Variants in CPSF2 observed in about 807,000 individuals in gnomAD.
The protein encoded by CPSF2 is cleavage and polyadenylation specificity factor subunit 2.
In CPSF2, 51 loss-of-function variants were observed where a neutral mutation model predicts 84.2. The ratio of observed to expected loss-of-function variants is 0.61; its 90% CI spans 0.48 to 0.77. The LOEUF (loss-of-function observed/expected upper bound fraction) is 0.77, where lower values mean the gene tolerates loss of function less well. Among genes scored for constraint, CPSF2 ranks in the 30% least tolerant of loss-of-function variants. The probability of loss-of-function intolerance (pLI) is 0.00; values close to 1 mark genes in which losing one functional copy is unlikely to be tolerated. For missense variants in CPSF2, 641 were observed against 929.4 expected (o/e 0.69, Z 4.03); for synonymous variants, 286 against 311.9 (o/e 0.92, Z 0.87).
In CPSF2 at chr14:92,154,334, CTTTTGTCTT is replaced by C; in HGVS notation, c.1141-21_1141-13del. On this transcript the variant is annotated splice_polypyrimidine_tract_variant and intron_variant, in intron 9 of 15. Coordinates refer to ENST00000298875, the MANE Select transcript of CPSF2 (RefSeq NM_017437.3). ...CCTAATATTAACATATTAACATTTC[CTTTTGTCTT>C]TTATTTTTTTTTAGTTGAGGAAACG... 1 of 1,551,828 alleles carries C rather than the reference CTTTTGTCTT, an allele frequency of 6.4e-7. No homozygotes were observed. The highest frequency in any genetic ancestry group is 8.8e-7 in the Non-Finnish European group (1 of 1,139,730).
intron 12 of CPSF2, among the ~76,000 whole-genome samples, 181 bp downstream of exon 12, chr14:92,156,812 T>C (rs1413526211): frequency 1.3e-5 from 2 of 152,240 alleles, no homozygotes; most frequent in Non-Finnish European, 2.9e-5. Flanking sequence ...TTTCTCTTCA[T>C]TAATGGTATT....
chr14:92,121,984 C>T lies in CPSF2; in HGVS notation c.-238C>T. 1 of 735,274 alleles carries T rather than the reference C, an allele frequency of 1.4e-6. No homozygotes were observed. The highest frequency in any genetic ancestry group is 2.2e-6 in the Non-Finnish European group (1 of 449,062). The allele number at this position is 735,274 out of a possible 1,614,324, so 45.5% of individuals were successfully genotyped here. On this transcript the variant is annotated 5_prime_UTR_variant, in exon 1 of 16. Coordinates refer to ENST00000298875, the MANE Select transcript of CPSF2 (RefSeq NM_017437.3). Reference sequence around the variant, plus strand: ...CGTCTCCGCCGCTAGTCTCCAGCTCCAAAATGGCGGCTGCCACTGTGGGGC... The same window carrying T: ...CGTCTCCGCCGCTAGTCTCCAGCTCTAAAATGGCGGCTGCCACTGTGGGGC...
At chr14:92,138,481 G>A (rs2069029821) in intron 7 of CPSF2, 134 bp downstream of exon 7, 1 of 454,470 alleles carries the variant, frequency 2.2e-6, no homozygotes, top group Non-Finnish European at 3.9e-6. Flanking sequence ...CCAGGCTGGA[G>A]TGAAGTGGCG....
intron 6 of CPSF2, among the ~76,000 whole-genome samples, chr14:92,137,397 T>G (rs2069014525): frequency 2.0e-5 from 3 of 152,072 alleles, no homozygotes; most frequent in Non-Finnish European, 4.4e-5. Flanking sequence ...TTAGTAGAGA[T>G]GAGGTTTTGC....
rs34118244 is a variant in CPSF2 at position 92,148,771 on chromosome 14, C to CAA, written c.1140+5492_1140+5493dup. ...TGGGCGATATAGCAAGGCCTCTTCT[C>CAA]AAAAAAAAAAAAAAAAGAAAGAAAT... On this transcript the variant is annotated intron_variant, in intron 9 of 15. Coordinates refer to ENST00000298875, the MANE Select transcript of CPSF2 (RefSeq NM_017437.3). Among the ~76,000 whole-genome samples, 270 of 74,854 alleles carry CAA rather than the reference C, an allele frequency of 3.6e-3. 2 individuals are homozygous for CAA. The highest frequency in any genetic ancestry group is 0.016 in the East Asian group (46 of 2,930). 49.1% of individuals were successfully genotyped at this position (74,854 alleles called of 152,430 possible). A position where few individuals can be genotyped will look rare whatever the true frequency, so the allele number is the denominator to read the frequency against.
At chr14:92,153,543 GT>G (rs1473359232) in intron 9 of CPSF2, among the ~76,000 whole-genome samples, 1 of 151,966 alleles carries the variant, frequency 6.6e-6, no homozygotes, top group Non-Finnish European at 1.5e-5. Context: ...ATGCTTATCT[GT>G]ATTTTCTTTT....
At chr14:92,136,370 C>A (rs1050338779) in intron 6 of CPSF2, among the ~76,000 whole-genome samples, 1 of 152,120 alleles carries the variant, frequency 6.6e-6, no homozygotes, top group African/African-American at 2.4e-5. Flanking sequence ...ACTCAGTATA[C>A]CACTGGAGGC....
intron 11 of CPSF2, 49 bp downstream of exon 11, chr14:92,155,372 C>G: frequency 7.1e-7 from 1 of 1,406,848 alleles, no homozygotes; most frequent in South Asian, 1.2e-5. Flanking sequence ...GAGGTATTAA[C>G]TGTGTTATCA....
rs566790994 is a variant in CPSF2, at chr14:92,169,119, G to A, written c.*7375G>A. On this transcript the variant is annotated 3_prime_UTR_variant, in exon 16 of 16. Coordinates refer to ENST00000298875, the MANE Select transcript of CPSF2 (RefSeq NM_017437.3). ...AACAAAAAGAAGCACATACTGTACAGTCAAAACTATCAGACGTAACTCTGT... is the reference window on the plus strand; with the variant it reads ...AACAAAAAGAAGCACATACTGTACAATCAAAACTATCAGACGTAACTCTGT... 4.4e-4 allele frequency: 67 copies of A among 152,276 alleles called. No homozygotes were observed. Among genetic ancestry groups the A allele is most frequent in the African/African-American group, 1.6e-3 (65 of 41,564 alleles). 9.4% of individuals were successfully genotyped at this position (152,276 alleles called of 1,614,324 possible).
intron 3 of CPSF2, among the ~76,000 whole-genome samples, chr14:92,133,304 A>C (rs1488001567): frequency 1.3e-5 from 2 of 151,696 alleles, no homozygotes; most frequent in African/African-American, 2.4e-5. Context: ...CTGTAATCCC[A>C]GCTACTCGGG....
At chr14:92,136,413 C>T (rs1020479994) in intron 6 of CPSF2, among the ~76,000 whole-genome samples, 25 of 152,122 alleles carry the variant, frequency 1.6e-4, no homozygotes, top group Admixed American at 3.3e-4. Flanking sequence ...TTCGCATAAA[C>T]GCAGAAAATT....
At chr14:92,153,576 A>C (rs2069248697) in intron 9 of CPSF2, among the ~76,000 whole-genome samples, 1 of 152,054 alleles carries the variant, frequency 6.6e-6, no homozygotes, top group South Asian at 2.1e-4. Context: ...ATTTTTAACC[A>C]GTTTGATTGT....
chr14:92,135,545 T>C (rs757655378), intron 6 of CPSF2, 49 bp downstream of exon 6: 1 of 1,518,942 alleles, frequency 6.6e-7, no homozygotes, highest in East Asian at 2.3e-5. Context: ...GGTATTATTT[T>C]ATTCTTTGGA....
At chr14:92,158,658 G>A (rs1021178904) in intron 13 of CPSF2, among the ~76,000 whole-genome samples, 1 of 152,134 alleles carries the variant, frequency 6.6e-6, no homozygotes, top group African/African-American at 2.4e-5. Flanking sequence ...GCTTCGTGAG[G>A]GTCAGAGGGA....
chr14:92,135,221 C>G lies in CPSF2; in HGVS notation c.416-146C>G, dbSNP rs769643808. ...GTAGGTGGGGGACAGGAGAGTGAAG[C>G]CTGCTTTCACTATATGCATTTTTAC... On this transcript the variant is annotated intron_variant, in intron 5 of 15. Transcript: ENST00000298875. 5 of 607,398 alleles carry G rather than the reference C, an allele frequency of 8.2e-6. No individual in the cohort carries two copies. The East Asian group carries it at 1.6e-4, about 20-fold the overall frequency. The allele number at this position is 607,398 out of a possible 1,614,324, so 37.6% of individuals were successfully genotyped here.
intron 9 of CPSF2, among the ~76,000 whole-genome samples, chr14:92,153,561 T>G (rs905134587): frequency 2.0e-5 from 3 of 152,172 alleles, no homozygotes; most frequent in African/African-American, 7.2e-5. Flanking sequence ...TTTTCCTGAT[T>G]GGTGATTTTT....
rs754311358 is a variant in CPSF2, at chr14:92,157,831, A to C, written c.1768A>C (p.Met590Leu). 6.2e-7 allele frequency: 1 copy of C among 1,614,222 alleles called. No homozygotes were observed. The highest frequency in any genetic ancestry group is 8.5e-7 in the Non-Finnish European group (1 of 1,180,020). ...AFGGKDIKVYMPKLHETVDAT... is the reference protein window; with the variant it reads ...AFGGKDIKVYLPKLHETVDAT... ...TGGTGGGAAAGATATTAAAGTGTAC[A>C]TGCCAAAGCTACATGAAACAGTTGA... The change falls in exon 13 of 16, where the codon ATG becomes CTG. Residue 590 changes from methionine to leucine, a missense_variant. By Grantham distance (15) the Met-to-Leu change is conservative. Around this residue, in one of 2 missense-constraint regions of CPSF2, gnomAD observed 430 missense variants for 553.6 expected, o/e 0.78. Transcript: ENST00000298875. The surrounding 1 kb of genome is among the most constrained non-coding windows in gnomAD (Gnocchi z 4.0).
At chr14:92,139,359 G>A (rs895527346) in intron 7 of CPSF2, among the ~76,000 whole-genome samples, 15 of 151,626 alleles carry the variant, frequency 9.9e-5, no homozygotes, top group Non-Finnish European at 1.5e-4. Context: ...GGAGCTTGCA[G>A]TGAGCTGAGA....
In CPSF2 at chr14:92,135,386, T is replaced by C. The variant is rs1382450881; in HGVS notation, c.435T>C (p.Ser145=). ...ACATAGGTAAAGGACATGGCCTGTC[T>C]ATCACACCTCTGCCAGCTGGTCATA... is the stretch of plus-strand genomic sequence containing the variant. ...VNLKGKGHGL[S]ITPLPAGHMI... The change falls in exon 6 of 16, where the codon TCT becomes TCC. Residue 145 remains serine, a synonymous_variant. Coordinates refer to ENST00000298875, the MANE Select transcript of CPSF2 (RefSeq NM_017437.3). 2 of 1,613,264 alleles carry C rather than the reference T, an allele frequency of 1.2e-6. No homozygotes were observed. The highest frequency in any genetic ancestry group is 1.3e-5 in the African/African-American group (1 of 74,916).
Sources: allele counts gnomAD v4.1 joint callset (sites outside exome capture counted in the v4.1 genomes callset), GRCh38; gene constraint gnomAD v4.1.1; regional missense constraint gnomAD v4.1.1; non-coding constraint Gnocchi (gnomAD v3.1); transcripts MANE v1.5; gene names NCBI Gene and HGNC (gene_info 2026-07-23, HGNC 2026-07-21).